ATG10: variants seen among roughly 807,000 people sequenced by gnomAD.
ATG10 encodes the protein ubiquitin-like-conjugating enzyme ATG10.
A neutral mutation model predicts 32.1 loss-of-function variants in ATG10; 30 were observed. The observed-to-expected ratio is 0.94, with a 90% confidence interval of 0.70 to 1.27. ATG10 has a LOEUF of 1.27. ATG10 is among the 50% of genes most tolerant of loss of function. The probability of loss-of-function intolerance (pLI) is 0.00; values close to 1 mark genes in which losing one functional copy is unlikely to be tolerated. For missense variants in ATG10, 233 were observed against 262.3 expected (o/e 0.89, Z 0.77); for synonymous variants, 87 against 91.5 (o/e 0.95, Z 0.28).
intron 3 of ATG10, among the ~76,000 whole-genome samples, chr5:82,136,184 C>T (rs1766735560): frequency 6.6e-6 from 1 of 152,136 alleles, no homozygotes; most frequent in African/African-American, 2.4e-5. Flanking sequence ...ATCCAATTTA[C>T]CAGTCTGTGT....
At chr5:82,026,879 T>C (rs1762608587) in intron 2 of ATG10, among the ~76,000 whole-genome samples, 1 of 151,376 alleles carries the variant, frequency 6.6e-6, no homozygotes, top group Non-Finnish European at 1.5e-5. Context: ...GCCAAGATGG[T>C]GAAACCCTGT....
chr5:82,167,832 T>C (rs1169689766), intron 4 of ATG10, among the ~76,000 whole-genome samples: 1 of 152,214 alleles, frequency 6.6e-6, no homozygotes, highest in East Asian at 1.9e-4. Context: ...GTGGGCAACG[T>C]GGATTTAAGA....
At chr5:82,111,573 C>T (rs1279911235) in intron 3 of ATG10, 1 of 151,778 alleles carries the variant, frequency 6.6e-6, no homozygotes, top group Non-Finnish European at 1.5e-5. Context: ...TTTTTGGTGT[C>T]TCCATTCAAT....
chr5:82,094,270 T>C (rs1414731698), intron 3 of ATG10, among the ~76,000 whole-genome samples: 2 of 152,174 alleles, frequency 1.3e-5, no homozygotes, highest in Non-Finnish European at 2.9e-5. Flanking sequence ...TATTCTTTCA[T>C]ATATTTTGTA....
chr5:82,237,139 ACAAACAAAAAT>A (rs1561372687), intron 5 of ATG10, among the ~76,000 whole-genome samples: 5 of 152,160 alleles, frequency 3.3e-5, no homozygotes, highest in African/African-American at 1.2e-4. Flanking sequence ...ACAAAACCAA[ACAAACAAAAAT>A]AGGCAATTTT....
In ATG10 at chr5:82,255,079, T is replaced by C. The variant is rs1402312092; in HGVS notation, c.*1016T>C. 2 of 152,218 alleles carry C rather than the reference T, an allele frequency of 1.3e-5. No homozygotes were observed. The highest frequency in any genetic ancestry group is 1.3e-4 in the Admixed American group (2 of 15,284). The allele number at this position is 152,218 out of a possible 1,614,324, so 9.4% of individuals were successfully genotyped here. ...AACATTAAAATTTCTTTTTGACCTATAGTAATAAAACAATGGTCATTTTAC... is the reference window on the plus strand; with the variant it reads ...AACATTAAAATTTCTTTTTGACCTACAGTAATAAAACAATGGTCATTTTAC... On this transcript the variant is annotated 3_prime_UTR_variant, in exon 8 of 8. Transcript: ENST00000282185.
rs922774798 is a variant in ATG10, at chr5:82,116,385, TTTTA to T, written c.217-48007_217-48004del. 1.3e-4 allele frequency among the ~76,000 whole-genome samples: 20 copies of T among 152,234 alleles called. No individual in the cohort carries two copies. The South Asian group carries it at 3.7e-3, about 28-fold the overall frequency. On this transcript the variant is annotated intron_variant, in intron 3 of 7. Transcript: ENST00000282185. ...TATTGGTTAAAGTAGAGAAGAATGA[TTTTA>T]TTTATTAATAAAGATGTATGAAACA...
At chr5:82,120,066 C>A (rs1467823049) in intron 3 of ATG10, among the ~76,000 whole-genome samples, 1 of 151,370 alleles carries the variant, frequency 6.6e-6, no homozygotes, top group African/African-American at 2.4e-5. Flanking sequence ...TCTGAATTTA[C>A]AAATTGGAAG....
intron 2 of ATG10, among the ~76,000 whole-genome samples, chr5:82,025,989 C>T (rs1762582712): frequency 6.6e-6 from 1 of 152,172 alleles, no homozygotes. Context: ...TGGTAAAAAA[C>T]ATGACAACTC....
intron 1 of ATG10, among the ~76,000 whole-genome samples, chr5:81,986,193 C>T (rs1761265224): frequency 6.6e-6 from 1 of 152,192 alleles, no homozygotes; most frequent in South Asian, 2.1e-4. Context: ...CCACCGCGCC[C>T]AGCCCTCTTT....
intron 2 of ATG10, among the ~76,000 whole-genome samples, chr5:82,010,616 G>C (rs1229150674): frequency 6.6e-6 from 1 of 152,100 alleles, no homozygotes; most frequent in Admixed American, 6.5e-5. Flanking sequence ...AAGGTCTAAG[G>C]TTATTGCTGA....
intron 3 of ATG10, among the ~76,000 whole-genome samples, chr5:82,139,079 A>G (rs1766914906): frequency 6.8e-6 from 1 of 147,944 alleles, no homozygotes; most frequent in East Asian, 2.0e-4. Flanking sequence ...CCTAACCGCG[A>G]GTGATCCGCC....
At chr5:82,220,484 G>A (rs928516999) in intron 5 of ATG10, among the ~76,000 whole-genome samples, 3 of 151,884 alleles carry the variant, frequency 2.0e-5, no homozygotes, top group African/African-American at 2.4e-5. Context: ...GGATGGTCTC[G>A]ATCTCCTGAC....
At chr5:82,062,333 G>T (rs542787538) in intron 3 of ATG10, among the ~76,000 whole-genome samples, 1 of 151,872 alleles carries the variant, frequency 6.6e-6, no homozygotes, top group East Asian at 1.9e-4. Flanking sequence ...TTAATATTTG[G>T]CAACTCATAG....
chr5:82,108,012 G>A (rs755501851), intron 3 of ATG10, among the ~76,000 whole-genome samples: 1 of 151,986 alleles, frequency 6.6e-6, no homozygotes, highest in African/African-American at 2.4e-5. Flanking sequence ...GGTTGATAGA[G>A]GGGTTATGTA....
At chr5:82,108,433 T>A (rs1765506227) in intron 3 of ATG10, among the ~76,000 whole-genome samples, 1 of 151,858 alleles carries the variant, frequency 6.6e-6, no homozygotes, top group Non-Finnish European at 1.5e-5. Flanking sequence ...TATATAATAT[T>A]TATGTACATA....
intron 2 of ATG10, chr5:82,009,802 A>G: frequency 1.9e-6 from 3 of 1,607,118 alleles, no homozygotes; most frequent in Non-Finnish European, 2.6e-6. Context: ...GCCATGGACA[A>G]GATGCCAGGA....
chr5:82,179,641 A>G (rs748436438), intron 5 of ATG10, among the ~76,000 whole-genome samples: 7 of 152,112 alleles, frequency 4.6e-5, no homozygotes, highest in Non-Finnish European at 1.0e-4. Context: ...ATTTAAAACT[A>G]CTCATCACCT....
chr5:82,118,032 G>C (rs1050168313), intron 3 of ATG10, among the ~76,000 whole-genome samples: 4 of 151,840 alleles, frequency 2.6e-5, no homozygotes, highest in African/African-American at 9.7e-5. Context: ...CTTGTATTGA[G>C]CAAGACAATA....
Sources: gnomAD v4.1 joint callset for allele counts (sites outside exome capture counted in the v4.1 genomes callset) on GRCh38, gnomAD v4.1.1 for gene constraint, MANE v1.5 for transcripts, NCBI Gene and HGNC (gene_info 2026-07-23, HGNC 2026-07-21) for gene names.